Variants in LRRC56 observed in about 807,000 individuals in gnomAD.
LRRC56 encodes leucine rich repeat containing 56.
LRRC56 carries 41 observed loss-of-function variants against 47.8 expected under a neutral mutation model. The ratio of observed to expected loss-of-function variants is 0.86; its 90% CI spans 0.67 to 1.11. The LOEUF is 1.11. LRRC56 is among the 50% of genes most tolerant of loss of function. The pLI is 0.00. For missense variants in LRRC56, 759 were observed against 704.2 expected, an observed-to-expected ratio of 1.08 and a Z score of -0.88; for synonymous variants, 387 against 311.2, an observed-to-expected ratio of 1.24 and a Z score of -2.56.
At chr11:540,363 G>A (rs982571238) in intron 3 of LRRC56, among the ~76,000 whole-genome samples, 4 of 152,182 alleles carry the variant, frequency 2.6e-5, no homozygotes, top group African/African-American at 7.2e-5. Flanking sequence ...AGGTGGGGAG[G>A]CCTGAAGCCA....
chr11:527,701 T>G, the LRRC56 span, among the ~76,000 whole-genome samples: 2 of 147,162 alleles, frequency 1.4e-5, no homozygotes, highest in East Asian at 2.0e-4. Flanking sequence ...CCGGCTAATT[T>G]TTTTTTTTTT....
At chr11:526,442 C>T in the LRRC56 span, among the ~76,000 whole-genome samples, 1 of 152,122 alleles carries the variant, frequency 6.6e-6, no homozygotes, top group Admixed American at 6.6e-5. Context: ...GCTGGACAGT[C>T]AGGTGCAGAG....
rs142995604 is a variant in LRRC56 at position 541,565 on chromosome 11, G to C, written c.206G>C (p.Arg69Pro). Residue 69 changes from arginine to proline, a missense_variant, in exon 5 of 14, where the codon CGG becomes CCG. Coordinates refer to ENST00000270115, the MANE Select transcript of LRRC56 (RefSeq NM_198075.4). This position sits in a 1 kb window ranked among gnomAD's most constrained non-coding sequence, Gnocchi z 4.1. ...LQALARVDDLRLVRTLEMCVD... is the reference protein window; with the variant it reads ...LQALARVDDLPLVRTLEMCVD... ...GCCCTGGCCCGGGTGGATGACCTTC[G>C]GCTGGTGAGGACGCTGGAGATGTGT... 4.4e-6 allele frequency: 7 copies of C among 1,584,800 alleles called. No individual in the cohort carries two copies. In the East Asian group the frequency reaches 1.7e-4, roughly 38 times the overall value.
At chr11:546,187 T>A (rs1852070127) in intron 6 of LRRC56, among the ~76,000 whole-genome samples, 1 of 151,538 alleles carries the variant, frequency 6.6e-6, no homozygotes, top group African/African-American at 2.4e-5. Context: ...GGAGAGTCGC[T>A]GCAGTGAGCC....
chr11:534,386 G>A (rs1302305174), upstream of LRRC56: 17 of 1,381,002 alleles, frequency 1.2e-5, no homozygotes, highest in African/African-American at 4.3e-5. Flanking sequence ...CTGCCAAGGA[G>A]GGCCCTGCTC....
chr11:522,586 G>A, the LRRC56 span, among the ~76,000 whole-genome samples: 3 of 151,858 alleles, frequency 2.0e-5, no homozygotes, highest in African/African-American at 7.3e-5. Context: ...TTTTTGTAGA[G>A]ATGGAGTTTC....
At chr11:533,641 C>T (rs746444701), upstream of LRRC56, 4 of 1,613,314 alleles carry the variant, frequency 2.5e-6, no homozygotes, top group East Asian at 2.2e-5. Flanking sequence ...GAGCTGGCTA[C>T]GGGGGCTGCA....
Position 544,700 on chromosome 11 carries a change from C to T in LRRC56, c.266-20C>T, listed in dbSNP as rs780667089. 1 of 1,612,516 alleles carries T rather than the reference C, an allele frequency of 6.2e-7. No homozygotes were observed. The highest frequency in any genetic ancestry group is 8.5e-7 in the Non-Finnish European group (1 of 1,179,814). On this transcript the variant is annotated intron_variant, in intron 5 of 13. Coordinates refer to ENST00000270115, the MANE Select transcript of LRRC56 (RefSeq NM_198075.4). Reference sequence around the variant, plus strand: ...CGGGGTGAGGGGCCGGGCCAACCTCCTCCTCCTGTGGCCATACAGGGGTGC... The same window carrying T: ...CGGGGTGAGGGGCCGGGCCAACCTCTTCCTCCTGTGGCCATACAGGGGTGC...
chr11:531,354 C>A, the LRRC56 span, among the ~76,000 whole-genome samples: 5 of 152,270 alleles, frequency 3.3e-5, no homozygotes, highest in East Asian at 7.7e-4. Flanking sequence ...AGCCTCAACC[C>A]GGGCCCTGGG....
upstream of LRRC56, among the ~76,000 whole-genome samples, chr11:535,720 G>A (rs1272774605): frequency 1.3e-5 from 2 of 152,142 alleles, no homozygotes; most frequent in Admixed American, 6.5e-5. Context: ...GAGCAACGCG[G>A]GAGGCGGAGC....
chr11:541,458 A>T lies in LRRC56; in HGVS notation c.178-79A>T. 1.3e-6 allele frequency: 1 copy of T among 798,910 alleles called. No homozygotes were observed. The highest frequency in any genetic ancestry group is 2.9e-5 in the East Asian group (1 of 33,960). 49.5% of individuals were successfully genotyped at this position (798,910 alleles called of 1,614,324 possible). A position where few individuals can be genotyped will look rare whatever the true frequency, so the allele number is the denominator to read the frequency against. The stretch of plus-strand genomic sequence containing the variant: ...GTGCCTGCTCCAGCGGGAGCCCCAG[A>T]GTCCTGTAGCCAGAAGCAAGGATGG... On this transcript the variant is annotated intron_variant, in intron 4 of 13. Transcript: ENST00000270115. The surrounding 1 kb of genome is among the most constrained non-coding windows in gnomAD (Gnocchi z 4.1).
chr11:517,833 C>A, the LRRC56 span, among the ~76,000 whole-genome samples: 3 of 152,220 alleles, frequency 2.0e-5, no homozygotes, highest in South Asian at 4.1e-4. Context: ...AAGAAAAATT[C>A]TTCTGTCTTG....
At chr11:517,637 G>T in the LRRC56 span, among the ~76,000 whole-genome samples, 2 of 152,132 alleles carry the variant, frequency 1.3e-5, no homozygotes. Flanking sequence ...CTGCCAGGCC[G>T]CCCCGTCTGG....
chr11:551,934 C>CA lies in LRRC56; in HGVS notation c.1007dup (p.Leu338ProfsTer5). On this transcript the variant is annotated frameshift_variant, in exon 11 of 14. Coordinates refer to ENST00000270115, the MANE Select transcript of LRRC56 (RefSeq NM_198075.4). LOFTEE classifies it high-confidence loss of function. Reference sequence around the variant, plus strand: ...GCCAAGTCCTCTGTGGGAACCCCACCAAGGGCCTGCGGGAGCGTAGGCACC... The same window carrying CA: ...GCCAAGTCCTCTGTGGGAACCCCACCAAAGGGCCTGCGGGAGCGTAGGCACC... The CA allele has an allele frequency of 6.2e-7, 1 of 1,612,632 alleles. No individual in the cohort carries two copies.
chr11:518,187 A>ATT, the LRRC56 span, among the ~76,000 whole-genome samples: 1 of 147,458 alleles, frequency 6.8e-6, no homozygotes, highest in Non-Finnish European at 1.5e-5. Flanking sequence ...TAATAATAAA[A>ATT]TTTTTTTTTT....
chr11:533,705 C>G (rs2133989038), upstream of LRRC56: 1 of 1,611,230 alleles, frequency 6.2e-7, no homozygotes. Flanking sequence ...CCTGCCTGGA[C>G]GCAGCCGGCC....
At chr11:531,332 G>A in the LRRC56 span, among the ~76,000 whole-genome samples, 4 of 152,180 alleles carry the variant, frequency 2.6e-5, no homozygotes, top group Admixed American at 6.5e-5. Context: ...CCGTCCCAGA[G>A]GGGCCTGGCC....
chr11:547,564 G>C (rs1201669325), intron 6 of LRRC56, among the ~76,000 whole-genome samples: 1 of 150,724 alleles, frequency 6.6e-6, no homozygotes, highest in Non-Finnish European at 1.5e-5. Context: ...ACGTTGGCCA[G>C]GATGGTCTCG....
the LRRC56 span, among the ~76,000 whole-genome samples, chr11:521,306 T>A: frequency 3.3e-5 from 5 of 152,334 alleles, no homozygotes; most frequent in African/African-American, 1.2e-4. Flanking sequence ...TACTTCCGCT[T>A]GGTTCTGCCT....
Sources: gnomAD v4.1 joint callset for allele counts (sites outside exome capture counted in the v4.1 genomes callset) on GRCh38, gnomAD v4.1.1 for gene constraint, Gnocchi (gnomAD v3.1) non-coding constraint, MANE v1.5 for transcripts, NCBI Gene and HGNC (gene_info 2026-07-23, HGNC 2026-07-21) for gene names.